Variants in ARL15 observed in about 807,000 individuals in gnomAD.
ARL15 encodes the protein ADP-ribosylation factor-like protein 15.
In ARL15, 19 loss-of-function variants were observed where a neutral mutation model predicts 25.2. The observed-to-expected ratio is 0.75, with a 90% CI of 0.53 to 1.10. ARL15 has a LOEUF of 1.10. Among genes scored for constraint, ARL15 ranks in the 50% least tolerant of loss-of-function variants. ARL15 has a pLI of 0.00. For missense variants in ARL15, 220 were observed against 246.0 expected (o/e 0.89, Z 0.71); for synonymous variants, 94 against 86.8 (o/e 1.08, Z -0.46).
chr5:54,237,279 T>C (rs1756835767), intron 1 of ARL15, among the ~76,000 whole-genome samples: 1 of 152,214 alleles, frequency 6.6e-6, no homozygotes, highest in Non-Finnish European at 1.5e-5. Flanking sequence ...CTGCCATGAT[T>C]GTAAGTTTCC....
At chr5:53,964,996 T>C (rs1391388056) in intron 4 of ARL15, among the ~76,000 whole-genome samples, 2 of 152,242 alleles carry the variant, frequency 1.3e-5, no homozygotes, top group South Asian at 4.1e-4. Context: ...ATTGCTAAGA[T>C]GCCTTAGAGG....
At chr5:54,132,209 G>A (rs1049941703) in intron 3 of ARL15, among the ~76,000 whole-genome samples, 4 of 151,816 alleles carry the variant, frequency 2.6e-5, no homozygotes, top group Admixed American at 6.6e-5. Context: ...AAACACATAC[G>A]CATGCAGGCA....
At chr5:54,266,173 C>T (rs1430473470) in intron 1 of ARL15, among the ~76,000 whole-genome samples, 1 of 152,182 alleles carries the variant, frequency 6.6e-6, no homozygotes, top group Non-Finnish European at 1.5e-5. Flanking sequence ...GTCCCAGAGT[C>T]ATAGCAGCCA....
At chr5:54,179,353 T>C (rs1644126974) in intron 1 of ARL15, among the ~76,000 whole-genome samples, 1 of 152,072 alleles carries the variant, frequency 6.6e-6, no homozygotes, top group African/African-American at 2.4e-5. Context: ...TTCTGTTCTT[T>C]TGAGGAGGTG....
At chr5:54,045,661 T>C (rs1561200993) in intron 4 of ARL15, among the ~76,000 whole-genome samples, 1 of 151,426 alleles carries the variant, frequency 6.6e-6, no homozygotes, top group Non-Finnish European at 1.5e-5. Flanking sequence ...CTTTAGGTCA[T>C]AGAGAGAGTG....
At chr5:54,030,291 T>C (rs1027109266) in intron 4 of ARL15, among the ~76,000 whole-genome samples, 1 of 152,106 alleles carries the variant, frequency 6.6e-6, no homozygotes, top group Non-Finnish European at 1.5e-5. Flanking sequence ...CACAGAGTTT[T>C]TGGAGGGGGG....
chr5:54,211,648 T>C (rs1279147169), intron 1 of ARL15, among the ~76,000 whole-genome samples: 1 of 151,960 alleles, frequency 6.6e-6, no homozygotes, highest in African/African-American at 2.4e-5. Context: ...TTTTTTGTAT[T>C]TTTAGTAGAG....
At chr5:53,934,087 A>G (rs1207798806) in intron 4 of ARL15, among the ~76,000 whole-genome samples, 1 of 152,232 alleles carries the variant, frequency 6.6e-6, no homozygotes, top group East Asian at 1.9e-4. Flanking sequence ...AGACTTTCTG[A>G]TAGATGTTTA....
chr5:54,250,602 G>C (rs1757212821), intron 1 of ARL15, among the ~76,000 whole-genome samples: 1 of 152,134 alleles, frequency 6.6e-6, no homozygotes, highest in South Asian at 2.1e-4. Flanking sequence ...CTGTGATTTT[G>C]GTGGTCTTGA....
At chr5:54,228,834 C>G (rs1756594086) in intron 1 of ARL15, among the ~76,000 whole-genome samples, 2 of 152,112 alleles carry the variant, frequency 1.3e-5, no homozygotes. Context: ...TTTCCTTATT[C>G]CTCAATCTCC....
intron 1 of ARL15, among the ~76,000 whole-genome samples, chr5:54,188,729 A>G (rs1755310573): frequency 6.6e-6 from 1 of 152,210 alleles, no homozygotes; most frequent in Non-Finnish European, 1.5e-5. Flanking sequence ...TTCTGCACAT[A>G]TTAAAATAAG....
chr5:54,042,388 C>T (rs1045515044), intron 4 of ARL15, among the ~76,000 whole-genome samples: 2 of 152,134 alleles, frequency 1.3e-5, no homozygotes, highest in African/African-American at 2.4e-5. Context: ...CCTATCTTGT[C>T]GGTATCATTA....
At chr5:54,279,416 A>G (rs1484182480) in intron 1 of ARL15, among the ~76,000 whole-genome samples, 1 of 152,118 alleles carries the variant, frequency 6.6e-6, no homozygotes, top group Non-Finnish European at 1.5e-5. Context: ...TTCCTGGCTT[A>G]AAGATGTCCA....
chr5:54,109,941 T>G (rs1182334962), intron 4 of ARL15, among the ~76,000 whole-genome samples: 2 of 151,956 alleles, frequency 1.3e-5, no homozygotes, highest in African/African-American at 4.8e-5. Context: ...TGTTGTTGTT[T>G]TTTTAAGCTT....
intron 3 of ARL15, among the ~76,000 whole-genome samples, chr5:54,134,952 C>A (rs370903993): frequency 8.5e-5 from 13 of 152,102 alleles, no homozygotes; most frequent in Middle Eastern, 3.4e-3. Flanking sequence ...AGTAGACAGT[C>A]TGATACATGT....
At chr5:54,116,563 G>A (rs144508006) in intron 3 of ARL15, among the ~76,000 whole-genome samples, 5 of 152,298 alleles carry the variant, frequency 3.3e-5, no homozygotes, top group East Asian at 3.9e-4. Flanking sequence ...ATGCTTTATT[G>A]TAAATTCCAC....
At position 53,987,418 on chromosome 5, in the gene ARL15, G is replaced by C. The variant is rs918927670; in HGVS notation, c.463-100705C>G. 2.0e-5 allele frequency among the ~76,000 whole-genome samples: 3 copies of C among 150,924 alleles called. No individual in the cohort carries two copies. In the South Asian group the frequency reaches 6.3e-4, roughly 32 times the overall value. On this transcript the variant is annotated intron_variant, in intron 4 of 4. Coordinates refer to ENST00000504924, the MANE Select transcript of ARL15 (RefSeq NM_019087.3). ...GCAGAAAAGGCTCACACATGCATGC[G>C]CACAGGCCCAATCCTTTTAAGCTTT...
chr5:54,086,621 T>G (rs1322156034), intron 4 of ARL15, among the ~76,000 whole-genome samples: 1 of 152,164 alleles, frequency 6.6e-6, no homozygotes, highest in Non-Finnish European at 1.5e-5. Flanking sequence ...ATATTAACCC[T>G]TCCTCTACCT....
intron 1 of ARL15, among the ~76,000 whole-genome samples, chr5:54,219,882 G>A (rs114549035): frequency 1.3e-5 from 2 of 152,072 alleles, no homozygotes; most frequent in Non-Finnish European, 2.9e-5. Flanking sequence ...AAATGAAAAG[G>A]ACAAAATGTG....
Sources: gnomAD v4.1 joint callset for allele counts (sites outside exome capture counted in the v4.1 genomes callset) on GRCh38, gnomAD v4.1.1 for gene constraint, MANE v1.5 for transcripts, NCBI Gene and HGNC (gene_info 2026-07-23, HGNC 2026-07-21) for gene names.